Variants in SYNE2 observed in about 807,000 individuals in gnomAD.
The protein encoded by SYNE2 is nesprin-2.
Under a neutral mutation model 856.3 loss-of-function variants are expected in SYNE2, and 431 were observed. The observed-to-expected ratio is 0.50, with a 90% CI of 0.47 to 0.55. SYNE2 has a LOEUF of 0.55. Ranked by LOEUF, SYNE2 falls within the 20% of genes least tolerant of loss-of-function variation. The pLI is 0.00. For missense variants in SYNE2, 8,129 were observed against 8,023.2 expected (o/e 1.01, Z -0.50); for synonymous variants, 2,923 against 2,872.3 (o/e 1.02, Z -0.56).
At chr14:64,141,182 A>G (rs2098136475) in intron 80 of SYNE2, among the ~76,000 whole-genome samples, 159 bp from the exon 81 acceptor site, 1 of 151,964 alleles carries the variant, frequency 6.6e-6, no homozygotes, top group Admixed American at 6.6e-5. Context: ...CCCATCGTGT[A>G]TGTAATGCCC....
At chr14:64,187,418 G>C (rs1000841061) in intron 97 of SYNE2, among the ~76,000 whole-genome samples, 5 of 152,162 alleles carry the variant, frequency 3.3e-5, no homozygotes, top group African/African-American at 1.2e-4. Context: ...TATGAAAAGT[G>C]TTCTGAAAGT....
At chr14:63,987,245 A>T (rs1433429397) in intron 19 of SYNE2, among the ~76,000 whole-genome samples, 1 of 149,864 alleles carries the variant, frequency 6.7e-6, no homozygotes, top group African/African-American at 2.5e-5. Flanking sequence ...ACAGGGTGAG[A>T]CTCCTTCTGG....
In SYNE2 at chr14:64,212,892, G is replaced by A. The variant is rs34990313; in HGVS notation, c.18943G>A (p.Glu6315Lys). 12 of 1,614,052 alleles carry A rather than the reference G, an allele frequency of 7.4e-6. No individual in the cohort carries two copies. The highest frequency in any genetic ancestry group is 1.0e-5 in the Non-Finnish European group (12 of 1,180,030). ...VFGEQLIQKS[E>K]PLDAVLIEDE... ...TGGGGAGCAGCTGATTCAGAAGAGC[G>A]AGCCCCTGGATGCTGTGCTGATTGA... Residue 6315 changes from glutamate to lysine, a missense_variant, in exon 105 of 116, where the codon GAG (glutamate) becomes AAG (lysine). Coordinates refer to ENST00000555002, the MANE Select transcript of SYNE2 (RefSeq NM_182914.3).
intron 71 of SYNE2, among the ~76,000 whole-genome samples, chr14:64,125,587 A>G (rs370812094): frequency 6.6e-6 from 1 of 152,238 alleles, no homozygotes; most frequent in Non-Finnish European, 1.5e-5. Context: ...TGAGGTGTCT[A>G]TCAGAGAAGA....
upstream of SYNE2, among the ~76,000 whole-genome samples, chr14:63,852,082 C>G (rs968669944): frequency 2.0e-5 from 3 of 148,658 alleles, no homozygotes; most frequent in African/African-American, 7.4e-5. Flanking sequence ...TTAGATCGCG[C>G]CACTGTACTC....
intron 42 of SYNE2, among the ~76,000 whole-genome samples, 179 bp from the exon 43 acceptor site, chr14:64,027,305 G>C (rs2096988428): frequency 6.6e-6 from 1 of 152,080 alleles, no homozygotes; most frequent in South Asian, 2.1e-4. Flanking sequence ...AATAATTTCT[G>C]TCTTGGTTTC....
chr14:63,778,857 G>A (rs1343457260), intron 1 of SYNE2, among the ~76,000 whole-genome samples: 1 of 151,892 alleles, frequency 6.6e-6, no homozygotes, highest in Non-Finnish European at 1.5e-5. Context: ...TGTGGCCCAG[G>A]CTGGTGTTGA....
intron 2 of SYNE2, among the ~76,000 whole-genome samples, chr14:63,919,979 T>TG (rs915990675): frequency 1.1e-4 from 16 of 151,094 alleles, no homozygotes; most frequent in African/African-American, 3.7e-4. Flanking sequence ...TAAGTTTTTT[T>TG]TTTTTTTTTT....
rs754645857 is a variant in SYNE2, at chr14:64,025,314, C to A, written c.6145C>A (p.Leu2049Ile). 1.2e-6 allele frequency: 2 copies of A among 1,613,944 alleles called. No homozygotes were observed. The highest frequency in any genetic ancestry group is 1.7e-6 in the Non-Finnish European group (2 of 1,179,978). The change falls in exon 41 of 116, where the codon CTT becomes ATT. Residue 2049 changes from leucine to isoleucine, a missense_variant. Physicochemically the swap from Leu to Ile is conservative, Grantham distance 5. Transcript: ENST00000555002. ...LPTEDQSFND[L>I]AHDVIHWIKE... ...CACAGAGGACCAGAGCTTTAATGAT[C>A]TTGCACATGATGTAATTCATTGGAT...
At chr14:64,099,070 C>G (rs2097700346) in intron 63 of SYNE2, 1 of 477,728 alleles carries the variant, frequency 2.1e-6, no homozygotes, top group Admixed American at 3.3e-5. Flanking sequence ...TGAAGAAGTT[C>G]TCTGTAGTAT....
intron 1 of SYNE2, among the ~76,000 whole-genome samples, chr14:63,786,606 C>T (rs1251252496): frequency 6.6e-6 from 1 of 152,078 alleles, no homozygotes; most frequent in African/African-American, 2.4e-5. Context: ...CAGATGAGGA[C>T]CCAACTCTAT....
intron 85 of SYNE2, 136 bp downstream of exon 85, chr14:64,152,852 G>T: frequency 8.6e-7 from 1 of 1,165,722 alleles, no homozygotes. Flanking sequence ...AAAAATTGAA[G>T]TAAATTAGAA....
chr14:64,026,861 C>A (rs2096984188), intron 42 of SYNE2, 131 bp downstream of exon 42: 2 of 1,097,988 alleles, frequency 1.8e-6, no homozygotes, highest in Admixed American at 2.0e-5. Context: ...TCAGGGACAT[C>A]CACAGTGTCA....
intron 3 of SYNE2, 94 bp from the exon 4 acceptor site, chr14:63,941,600 AT>A: frequency 9.9e-7 from 1 of 1,006,136 alleles, no homozygotes; most frequent in South Asian, 1.3e-5. Flanking sequence ...TCATTACTGA[AT>A]TTTAGTTTTT....
intron 54 of SYNE2, 86 bp from the exon 55 acceptor site, chr14:64,078,378 CAG>C (rs2097487313): frequency 3.8e-6 from 6 of 1,577,352 alleles, no homozygotes; most frequent in Middle Eastern, 2.2e-4. Flanking sequence ...CAAGTTAAAA[CAG>C]AGTGACTACC....
chr14:63,785,845 C>T (rs905304307), intron 1 of SYNE2, among the ~76,000 whole-genome samples: 5 of 152,154 alleles, frequency 3.3e-5, no homozygotes, highest in Admixed American at 1.3e-4. Flanking sequence ...GTGGCTCACA[C>T]CTGTAGGTCC....
rs555230855 is a variant in SYNE2 at position 64,219,112 on chromosome 14, T to G, written c.19658-96T>G. 39,745 of 934,692 alleles carry G rather than the reference T, an allele frequency of 0.043. 1,003 individuals carry two copies. The highest frequency in any genetic ancestry group is 0.05 in the Non-Finnish European group (32,700 of 653,510). The allele number at this position is 934,692 out of a possible 1,614,324, so 57.9% of individuals were successfully genotyped here. On this transcript the variant is annotated intron_variant, in intron 109 of 115. Transcript: ENST00000555002. ...TCCCCTACAGTTTTTTTGTTTTTTTTTTTTTTTTTTTTAACCACCCTGACC... is the reference window on the plus strand; with the variant it reads ...TCCCCTACAGTTTTTTTGTTTTTTTGTTTTTTTTTTTTAACCACCCTGACC...
Position 63,780,369 on chromosome 14 carries a change from A to G in SYNE2, c.-305+18383A>G, listed in dbSNP as rs188096114. 2.8e-3 allele frequency among the ~76,000 whole-genome samples: 422 copies of G among 152,190 alleles called. 2 individuals carry two copies. Among genetic ancestry groups the G allele is most frequent in the Admixed American group, 4.5e-3 (69 of 15,272 alleles). The stretch of plus-strand genomic sequence containing the variant: ...GCAAACATGGCGAAACCTCATCTCT[A>G]CTAAAAATACAAAACTTAGCTGGGC... On this transcript the variant is annotated intron_variant, in intron 1 of 23. Transcript: ENST00000674003.
chr14:64,142,460 A>G (rs181716898), intron 82 of SYNE2, among the ~76,000 whole-genome samples: 2 of 152,244 alleles, frequency 1.3e-5, no homozygotes, highest in Admixed American at 1.3e-4. Context: ...TCTACCTGGA[A>G]TGCCAGGGCC....
Sources: gnomAD v4.1 joint callset for allele counts (sites outside exome capture counted in the v4.1 genomes callset) on GRCh38, gnomAD v4.1.1 for gene constraint, MANE v1.5 for transcripts, NCBI Gene and HGNC (gene_info 2026-07-23, HGNC 2026-07-21) for gene names.